The following KSR2 variants were observed in gnomAD, a reference collection of about 807,000 sequenced individuals.
KSR2 encodes kinase suppressor of ras 2.
In KSR2, 25 loss-of-function variants were observed where a neutral mutation model predicts 107.8. That is an observed-to-expected ratio of 0.23 (90% CI 0.17 to 0.32). The LOEUF is 0.32. Among genes scored for constraint, KSR2 ranks in the 10% least tolerant of loss-of-function variants. The pLI, the probability that KSR2 is intolerant of heterozygous loss-of-function variation, is 1.00. For missense variants in KSR2, 887 were observed against 1,268.9 expected, an observed-to-expected ratio of 0.70 and a Z score of 4.57; for synonymous variants, 480 against 507.0, an observed-to-expected ratio of 0.95 and a Z score of 0.71.
At chr12:117,941,792 ATTTTTTTT>A (rs542293863) in intron 1 of KSR2, among the ~76,000 whole-genome samples, 81 of 97,782 alleles carry the variant, frequency 8.3e-4, no homozygotes, top group African/African-American at 3.2e-3. Flanking sequence ...GGCCTGGCTA[ATTTTTTTT>A]TTTTTTTTTT....
intron 7 of KSR2, among the ~76,000 whole-genome samples, chr12:117,563,935 C>G (rs888938062): frequency 6.6e-6 from 1 of 152,162 alleles, no homozygotes; most frequent in Non-Finnish European, 1.5e-5. Context: ...GATCACCTCT[C>G]AAATAAACCA....
rs267603330 is a variant in KSR2 at position 117,530,989 on chromosome 12, G to A, written c.1754C>T (p.Pro585Leu). 5.6e-6 allele frequency: 9 copies of A among 1,613,398 alleles called. No homozygotes were observed. Among genetic ancestry groups the A allele is most frequent in the Admixed American group, 5.0e-5 (3 of 59,958 alleles). Residue 585 changes from proline to leucine, a missense_variant, in exon 12 of 20, where the codon CCG (proline) becomes CTG (leucine). By Grantham distance (98) the Pro-to-Leu change is moderately conservative. Coordinates refer to ENST00000339824, the MANE Select transcript of KSR2 (RefSeq NM_173598.6). ...FPDVVPVPET[P>L]TRAPQVILHP... ...CAGGATGACCTGGGGCGCCCGGGTC[G>A]GCGTCTCCGGCACCGGCACCACATC...
chr12:117,743,196 T>C (rs948867990), intron 4 of KSR2, among the ~76,000 whole-genome samples: 2 of 152,202 alleles, frequency 1.3e-5, no homozygotes, highest in Non-Finnish European at 2.9e-5. Context: ...CTAGAACTCT[T>C]CATTACACCG....
chr12:117,739,081 C>A (rs1175805226), intron 4 of KSR2, among the ~76,000 whole-genome samples: 1 of 152,146 alleles, frequency 6.6e-6, no homozygotes, highest in Non-Finnish European at 1.5e-5. Flanking sequence ...ATTGGACGGG[C>A]GCAGCGGCTC....
chr12:117,508,307 G>A (rs908584844), intron 14 of KSR2, among the ~76,000 whole-genome samples: 11 of 152,068 alleles, frequency 7.2e-5, no homozygotes, highest in East Asian at 1.9e-4. Flanking sequence ...TCAAGGAGTC[G>A]GCTTTAATTG....
At position 117,756,973 on chromosome 12, in the gene KSR2, A is replaced by G. The variant is rs534135480; in HGVS notation, c.986+4038T>C. Among the ~76,000 whole-genome samples the G allele has an allele frequency of 2.0e-5, 3 of 151,876 alleles. No homozygotes were observed. In the South Asian group the frequency reaches 6.3e-4, roughly 32 times the overall value. ...AGGAGGCTGAGGCAGGAGAATTGCT[A>G]GAACCCAGGAGGTGGAGGTTGCAGT... is the stretch of plus-strand genomic sequence containing the variant. On this transcript the variant is annotated intron_variant, in intron 4 of 19. Coordinates refer to ENST00000339824, the MANE Select transcript of KSR2 (RefSeq NM_173598.6).
intron 2 of KSR2, 27 bp from the exon 3 acceptor site, chr12:117,855,605 C>A (rs754066253): frequency 6.2e-7 from 1 of 1,612,722 alleles, no homozygotes; most frequent in Non-Finnish European, 8.5e-7. Context: ...GGATTGTCAA[C>A]CGTGGGGCAG....
chr12:117,691,166 G>A (rs983215924), intron 4 of KSR2, among the ~76,000 whole-genome samples: 3 of 152,172 alleles, frequency 2.0e-5, no homozygotes, highest in Non-Finnish European at 4.4e-5. Flanking sequence ...GGGAAGCTGT[G>A]CAAGTGGATT....
chr12:117,915,279 G>A (rs1187751369), intron 1 of KSR2, among the ~76,000 whole-genome samples: 1 of 152,206 alleles, frequency 6.6e-6, no homozygotes, highest in Non-Finnish European at 1.5e-5. Context: ...CCCTCACATG[G>A]CTGAAGAGGG....
Position 117,968,522 on chromosome 12 carries a change from G to C in KSR2, c.-267C>G. On this transcript the variant is annotated 5_prime_UTR_variant, in exon 1 of 20. Transcript: ENST00000339824. ...TCTCTGAGTCTCTGGTCCCTGAAAA[G>C]GAGAGATGCTGTTTCTCAGAAGCAA... is the stretch of plus-strand genomic sequence containing the variant. 1 of 1,230,806 alleles carries C rather than the reference G, an allele frequency of 8.1e-7. No individual in the cohort carries two copies. The highest frequency in any genetic ancestry group is 1.0e-6 in the Non-Finnish European group (1 of 989,120). 76.2% of individuals were successfully genotyped at this position (1,230,806 alleles called of 1,614,324 possible).
At chr12:117,878,445 T>C (rs1014295498) in intron 1 of KSR2, among the ~76,000 whole-genome samples, 2 of 152,106 alleles carry the variant, frequency 1.3e-5, no homozygotes, top group African/African-American at 4.8e-5. Flanking sequence ...CAATGGGACC[T>C]CCTGCAAGTG....
Position 117,761,434 on chromosome 12 carries a change from G to C in KSR2, c.563C>G (p.Thr188Ser), listed in dbSNP as rs1272525147. The C allele has an allele frequency of 6.2e-7, 1 of 1,612,608 alleles. No homozygotes were observed. The highest frequency in any genetic ancestry group is 1.1e-5 in the South Asian group (1 of 91,046). ...ENNPVCPPEP[T>S]PWIRTHLSQS... ...GGAGAGATGGGTGCGGATCCACGGG[G>C]TGGGCTCCGGGGGGCACACGGGATT... Residue 188 changes from threonine to serine, a missense_variant, in exon 4 of 20, where the codon ACC becomes AGC. This residue lies in a region of KSR2 where 399 missense variants were observed against 479.5 expected (regional missense o/e 0.83). Coordinates refer to ENST00000339824, the MANE Select transcript of KSR2 (RefSeq NM_173598.6).
chr12:117,471,271 G>A lies in KSR2; in HGVS notation c.2632C>T (p.Pro878Ser), dbSNP rs540691039. The change falls in exon 18 of 20, where the codon CCA becomes TCA. Residue 878 changes from proline to serine, a missense_variant. By Grantham distance (74) the Pro-to-Ser change is moderately conservative. Around this residue, in one of 8 missense-constraint regions of KSR2, gnomAD observed 308 missense variants for 506.2 expected, o/e 0.61. Coordinates refer to ENST00000339824, the MANE Select transcript of KSR2 (RefSeq NM_173598.6). ...HAREWPFKTQ[P>S]AEAIIWQMGT... The stretch of plus-strand genomic sequence containing the variant: ...ATTTGCCAGATTATTGCCTCTGCTG[G>A]TTGGGTCTTGAAAGGCCATTCCCTG... The A allele has an allele frequency of 9.4e-5, 152 of 1,613,892 alleles. No homozygotes were observed. Among genetic ancestry groups the A allele is most frequent in the Admixed American group, 3.7e-4 (22 of 60,018 alleles).
rs533624267 is a variant in KSR2, at chr12:117,536,745, C to T, written c.1687+2974G>A. 5.3e-5 allele frequency among the ~76,000 whole-genome samples: 8 copies of T among 152,276 alleles called. No individual in the cohort carries two copies. In the South Asian group the frequency reaches 6.2e-4, roughly 12 times the overall value. On this transcript the variant is annotated intron_variant, in intron 10 of 19. Coordinates refer to ENST00000339824, the MANE Select transcript of KSR2 (RefSeq NM_173598.6). ...AAAGTTTGCAGAATATTTGGTTATA[C>T]GGATATATGTGTGTATTCAACCATT...
intron 3 of KSR2, among the ~76,000 whole-genome samples, chr12:117,792,926 A>G (rs1363836773): frequency 2.0e-5 from 3 of 151,278 alleles, no homozygotes; most frequent in Admixed American, 2.0e-4. Flanking sequence ...ACACACCCTC[A>G]CACCAACATG....
chr12:117,940,238 G>A lies in KSR2; in HGVS notation c.180+27838C>T, dbSNP rs1435894376. Among the ~76,000 whole-genome samples the A allele has an allele frequency of 2.6e-5, 4 of 152,202 alleles. 1 individual carries two copies. The South Asian group carries it at 6.2e-4, about 24-fold the overall frequency. ...ACATTACTTGGAAAATCTACCTAAT[G>A]GGAAGTCTCTTTAATGCCATATCTT... On this transcript the variant is annotated intron_variant, in intron 1 of 19. Transcript: ENST00000339824.
intron 4 of KSR2, among the ~76,000 whole-genome samples, chr12:117,759,701 A>G (rs1398633148): frequency 1.3e-5 from 2 of 151,414 alleles, no homozygotes; most frequent in Non-Finnish European, 2.9e-5. Flanking sequence ...TAAATTGTCT[A>G]CTCTAGGTAT....
At chr12:117,768,265 A>G (rs1170438148) in intron 3 of KSR2, among the ~76,000 whole-genome samples, 3 of 152,240 alleles carry the variant, frequency 2.0e-5, no homozygotes, top group African/African-American at 7.2e-5. Flanking sequence ...GCATCTGCCC[A>G]CAACATTGCT....
chr12:117,731,916 G>C (rs4451798), intron 4 of KSR2, among the ~76,000 whole-genome samples: 13,985 of 110,974 alleles, frequency 0.13, 1,905 homozygotes, highest in East Asian at 0.41. Flanking sequence ...GCAGGGTCCT[G>C]TGCCTAGGAA....
Sources: gnomAD v4.1 joint callset for allele counts (sites outside exome capture counted in the v4.1 genomes callset) on GRCh38, gnomAD v4.1.1 for gene constraint, gnomAD v4.1.1 regional missense constraint, MANE v1.5 for transcripts, NCBI Gene and HGNC (gene_info 2026-07-23, HGNC 2026-07-21) for gene names.